Variants in ARHGEF28 observed in about 807,000 individuals in gnomAD.
ARHGEF28 encodes Rho guanine nucleotide exchange factor 28.
In ARHGEF28, 152 loss-of-function variants were observed where a neutral mutation model predicts 206.6. The ratio of observed to expected loss-of-function variants is 0.74; its 90% CI spans 0.64 to 0.84. The LOEUF is 0.84. Ranked by LOEUF, ARHGEF28 falls within the 40% of genes least tolerant of loss-of-function variation. The pLI, the probability that ARHGEF28 is intolerant of heterozygous loss-of-function variation, is 0.00. For synonymous variants in ARHGEF28, 763 were observed against 776.4 expected (o/e 0.98, Z 0.29); for missense variants, 2,028 against 2,073.2 (o/e 0.98, Z 0.42).
intron 9 of ARHGEF28, among the ~76,000 whole-genome samples, chr5:73,811,528 A>G (rs1250524468): frequency 6.6e-6 from 1 of 152,194 alleles, no homozygotes; most frequent in African/African-American, 2.4e-5. Context: ...TCTGTGCTCT[A>G]AAATCAAGAG....
intron 16 of ARHGEF28, among the ~76,000 whole-genome samples, chr5:73,864,109 A>G (rs1759560555): frequency 6.6e-6 from 1 of 152,150 alleles, no homozygotes; most frequent in African/African-American, 2.4e-5. Context: ...TGGGAGGGGA[A>G]AGGACCCAAA....
chr5:73,667,298 A>G (rs755748772), intron 1 of ARHGEF28, among the ~76,000 whole-genome samples: 1 of 148,800 alleles, frequency 6.7e-6, no homozygotes, highest in Admixed American at 6.7e-5. Context: ...TTTTTAGTTT[A>G]CATACCTCCT....
At chr5:73,696,551 T>C (rs566821352) in intron 2 of ARHGEF28, among the ~76,000 whole-genome samples, 1 of 152,366 alleles carries the variant, frequency 6.6e-6, no homozygotes, top group South Asian at 2.1e-4. Flanking sequence ...GTGTCCCTTC[T>C]ATTGTAAGCA....
intron 9 of ARHGEF28, among the ~76,000 whole-genome samples, chr5:73,817,984 C>T (rs887315584): frequency 6.6e-6 from 1 of 152,122 alleles, no homozygotes; most frequent in African/African-American, 2.4e-5. Context: ...TACCTTCCTC[C>T]TATACACAGA....
intron 1 of ARHGEF28, among the ~76,000 whole-genome samples, chr5:73,636,273 C>T (rs1743711364): frequency 6.6e-6 from 1 of 152,178 alleles, no homozygotes; most frequent in African/African-American, 2.4e-5. Flanking sequence ...CCCAAATTAA[C>T]TTTTCACTTG....
At chr5:73,690,525 CAAA>C (rs71615796) in intron 2 of ARHGEF28, among the ~76,000 whole-genome samples, 3 of 23,356 alleles carry the variant, frequency 1.3e-4, no homozygotes, top group Non-Finnish European at 2.7e-4. Flanking sequence ...TCTGTCTTTA[CAAA>C]AAAAAAAAAA....
intron 1 of ARHGEF28, among the ~76,000 whole-genome samples, chr5:73,671,694 T>TTATGTATATATA (rs1746307772): frequency 1.3e-5 from 1 of 76,106 alleles, no homozygotes; most frequent in African/African-American, 4.6e-5. Flanking sequence ...TTGAACTTGA[T>TTATGTATATATA]TATATATATA....
At chr5:73,900,987 T>C (rs1255601026) in intron 30 of ARHGEF28, 197 bp from the exon 31 acceptor site, 4 of 501,434 alleles carry the variant, frequency 8.0e-6, no homozygotes, top group Non-Finnish European at 1.5e-5. Context: ...TCTGTTAGCG[T>C]GTAAGCCCCA....
Position 73,749,923 on chromosome 5 carries a change from T to A in ARHGEF28, c.120T>A (p.His40Gln). 6.2e-7 allele frequency: 1 copy of A among 1,614,026 alleles called. No homozygotes were observed. Among genetic ancestry groups the A allele is most frequent in the Non-Finnish European group, 8.5e-7 (1 of 1,179,894 alleles). Residue 40 changes from histidine (H) to glutamine (Q), a missense_variant, in exon 3 of 36, where the codon CAT (histidine) becomes CAA (glutamine). Transcript: ENST00000513042. ...TTTACTTTACTTATGACGGATCTCA[T>A]CAGCGACATGTCATGATTGCAGAGC... ...AEFYFTYDGS[H>Q]QRHVMIAERI... is the part of the protein sequence containing the mutation.
intron 29 of ARHGEF28, among the ~76,000 whole-genome samples, chr5:73,895,527 A>G (rs1000660069): frequency 6.6e-6 from 1 of 152,042 alleles, no homozygotes; most frequent in African/African-American, 2.4e-5. Flanking sequence ...TTGAAGGGAG[A>G]GATGGAGATA....
chr5:73,649,551 G>A lies in ARHGEF28; in HGVS notation c.-12+23229G>A, dbSNP rs74407591. Among the ~76,000 whole-genome samples, 735 of 152,364 alleles carry A rather than the reference G, an allele frequency of 4.8e-3. 8 individuals carry two copies. The highest frequency in any genetic ancestry group is 0.017 in the African/African-American group (705 of 41,588). ...TCACGAAATTGGAGCTCAGAGACAT[G>A]AGATTACTTGCCCAGGGGCATGCTC... On this transcript the variant is annotated intron_variant, in intron 1 of 35. Transcript: ENST00000513042.
chr5:73,830,424 G>A (rs1757220453), intron 9 of ARHGEF28, among the ~76,000 whole-genome samples: 1 of 151,896 alleles, frequency 6.6e-6, no homozygotes, highest in Non-Finnish European at 1.5e-5. Flanking sequence ...TGTGGTGGCG[G>A]GCACCTGTAG....
intron 1 of ARHGEF28, among the ~76,000 whole-genome samples, chr5:73,642,541 AT>A (rs753697155): frequency 8.6e-5 from 13 of 151,898 alleles, no homozygotes; most frequent in Non-Finnish European, 1.6e-4. Flanking sequence ...TTTTAAATGC[AT>A]TGCATTTTGA....
chr5:73,857,359 T>A (rs1362845981), intron 14 of ARHGEF28, among the ~76,000 whole-genome samples: 1 of 152,116 alleles, frequency 6.6e-6, no homozygotes, highest in African/African-American at 2.4e-5. Flanking sequence ...ATTATGAAAA[T>A]TTTCAAGTAC....
rs971521799 is a variant in ARHGEF28, at chr5:73,735,698, C to T, written c.34-14139C>T. On this transcript the variant is annotated intron_variant, in intron 2 of 35. Coordinates refer to ENST00000513042, the MANE Select transcript of ARHGEF28 (RefSeq NM_001177693.2). ...ATGCAAATCTGATTGTGTTACTCCC[C>T]TGCTCAAAACTCTTCCAGGAACTCT... is the stretch of plus-strand genomic sequence containing the variant. 2.6e-5 allele frequency among the ~76,000 whole-genome samples: 4 copies of T among 152,202 alleles called. No homozygotes were observed. In the South Asian group the frequency reaches 8.3e-4, roughly 32 times the overall value.
intron 28 of ARHGEF28, among the ~76,000 whole-genome samples, chr5:73,893,985 G>T (rs1008125082): frequency 4.0e-5 from 6 of 151,638 alleles, no homozygotes; most frequent in Non-Finnish European, 8.8e-5. Context: ...ACTTAAACCA[G>T]TATGTTTGGT....
At chr5:73,906,442 A>G (rs1330562107) in intron 33 of ARHGEF28, among the ~76,000 whole-genome samples, 1 of 152,142 alleles carries the variant, frequency 6.6e-6, no homozygotes, top group African/African-American at 2.4e-5. Context: ...GCTGCAGTCT[A>G]ACTCCTGGGC....
At chr5:73,734,411 A>G (rs55991811) in intron 2 of ARHGEF28, among the ~76,000 whole-genome samples, 51,825 of 151,880 alleles carry the variant, frequency 0.34, 10,140 homozygotes, top group African/African-American at 0.54. Context: ...TGAAATCCTG[A>G]GGATTTCACT....
chr5:73,921,047 T>A (rs1763497428), intron 35 of ARHGEF28, among the ~76,000 whole-genome samples: 1 of 152,246 alleles, frequency 6.6e-6, no homozygotes, highest in South Asian at 2.1e-4. Flanking sequence ...AAACTCTTTT[T>A]TTCTTCTGCT....
Sources: gnomAD v4.1 joint callset for allele counts (sites outside exome capture counted in the v4.1 genomes callset) on GRCh38, gnomAD v4.1.1 for gene constraint, MANE v1.5 for transcripts, NCBI Gene and HGNC (gene_info 2026-07-23, HGNC 2026-07-21) for gene names.